SNTG1: variants seen among roughly 807,000 people sequenced by gnomAD.
SNTG1 encodes gamma-1-syntrophin.
Under a neutral mutation model 74.7 loss-of-function variants are expected in SNTG1, and 39 were observed. The ratio of observed to expected loss-of-function variants is 0.52; its 90% CI spans 0.40 to 0.68. SNTG1 has a LOEUF of 0.68. Ranked by LOEUF, SNTG1 falls within the 30% of genes least tolerant of loss-of-function variation. The pLI is 0.00. For synonymous variants in SNTG1, 254 were observed against 217.1 expected (o/e 1.17, Z -1.49); for missense variants, 685 against 609.5 (o/e 1.12, Z -1.30).
In SNTG1 at chr8:50,299,177, A is replaced by G. The variant is rs555644086; in HGVS notation, c.-27-95035A>G. Reference sequence around the variant, plus strand: ...TGGCAGGTGTAGATTTAAGGGTACCATGAGAAAGAGAAATACCAAAAGTTT... The same window carrying G: ...TGGCAGGTGTAGATTTAAGGGTACCGTGAGAAAGAGAAATACCAAAAGTTT... On this transcript the variant is annotated intron_variant, in intron 2 of 18. Transcript: ENST00000642720. Among the ~76,000 whole-genome samples the G allele has an allele frequency of 3.3e-5, 5 of 152,014 alleles. No individual in the cohort carries two copies. The South Asian group carries it at 1.0e-3, about 32-fold the overall frequency.
chr8:50,141,724 C>T (rs1424856180), intron 1 of SNTG1, among the ~76,000 whole-genome samples: 1 of 151,848 alleles, frequency 6.6e-6, no homozygotes, highest in Non-Finnish European at 1.5e-5. Flanking sequence ...AAGTTTAATG[C>T]CTTACAACAT....
intron 1 of SNTG1, among the ~76,000 whole-genome samples, chr8:49,922,828 G>A (rs1237872214): frequency 6.6e-6 from 1 of 151,992 alleles, no homozygotes; most frequent in East Asian, 1.9e-4. Context: ...TGTGAAATGG[G>A]ATAATTTATT....
intron 1 of SNTG1, among the ~76,000 whole-genome samples, chr8:50,047,996 G>A (rs995839916): frequency 2.0e-5 from 3 of 152,002 alleles, no homozygotes; most frequent in Non-Finnish European, 2.9e-5. Context: ...TTAAATGAGA[G>A]GGCATATGGA....
chr8:50,399,905 A>G (rs1381165321), intron 3 of SNTG1, among the ~76,000 whole-genome samples: 3 of 152,222 alleles, frequency 2.0e-5, no homozygotes, highest in Admixed American at 6.5e-5. Context: ...TGCTAATGCC[A>G]TGGATGAAGA....
At chr8:50,089,860 G>A (rs1334513963) in intron 1 of SNTG1, among the ~76,000 whole-genome samples, 3 of 152,024 alleles carry the variant, frequency 2.0e-5, no homozygotes, top group Non-Finnish European at 4.4e-5. Flanking sequence ...GATTCCTCAG[G>A]GATCTAGAAC....
intron 13 of SNTG1, among the ~76,000 whole-genome samples, chr8:50,591,937 A>G (rs1391470692): frequency 6.6e-6 from 1 of 152,146 alleles, no homozygotes; most frequent in Non-Finnish European, 1.5e-5. Context: ...AGTTGTTTTT[A>G]AGGCCCTTAC....
At chr8:50,203,885 T>C (rs1049359372) in intron 2 of SNTG1, among the ~76,000 whole-genome samples, 1 of 152,128 alleles carries the variant, frequency 6.6e-6, no homozygotes, top group Non-Finnish European at 1.5e-5. Flanking sequence ...TAGAAATAAC[T>C]GCAACGTCAA....
chr8:50,509,160 C>A (rs113153473), intron 9 of SNTG1, among the ~76,000 whole-genome samples: 61,564 of 151,982 alleles, frequency 0.41, 16,813 homozygotes, highest in African/African-American at 0.78. Context: ...TCTCCCAGCA[C>A]CATTTATTAA....
intron 1 of SNTG1, among the ~76,000 whole-genome samples, chr8:50,151,834 G>T (rs2082079923): frequency 6.6e-6 from 1 of 152,134 alleles, no homozygotes. Context: ...TTCCAACTAT[G>T]TTGTCAATTT....
intron 1 of SNTG1, among the ~76,000 whole-genome samples, chr8:50,143,733 AT>A (rs2081756352): frequency 6.6e-6 from 1 of 152,150 alleles, no homozygotes; most frequent in African/African-American, 2.4e-5. Context: ...TTTAGAGTGT[AT>A]TTTAGTATAA....
At chr8:50,494,064 C>G (rs2093882187) in intron 8 of SNTG1, among the ~76,000 whole-genome samples, 1 of 151,030 alleles carries the variant, frequency 6.6e-6, no homozygotes, top group South Asian at 2.1e-4. Flanking sequence ...CTCAATTTGA[C>G]CAAACATCCT....
intron 9 of SNTG1, among the ~76,000 whole-genome samples, chr8:50,516,155 G>T (rs928372265): frequency 2.6e-5 from 4 of 152,110 alleles, no homozygotes; most frequent in Non-Finnish European, 4.4e-5. Flanking sequence ...CAGCAAACAG[G>T]GTCTGGAGTG....
rs1454399008 is a variant in SNTG1 at position 49,993,463 on chromosome 8, A to G, written c.-103+81232A>G. 2.6e-5 allele frequency among the ~76,000 whole-genome samples: 4 copies of G among 152,092 alleles called. No homozygotes were observed. The East Asian group carries it at 5.8e-4, about 22-fold the overall frequency. On this transcript the variant is annotated intron_variant, in intron 1 of 18. Coordinates refer to ENST00000642720, the MANE Select transcript of SNTG1 (RefSeq NM_018967.5). ...GTGCAGGTTTGTTACGTAGGTATAC[A>G]TGTGCCATGGTGGTTTGCTGCACCT...
At position 50,666,799 on chromosome 8, in the gene SNTG1, G is replaced by C. The variant is rs887051542; in HGVS notation, c.1038+8136G>C. 2.6e-5 allele frequency among the ~76,000 whole-genome samples: 4 copies of C among 151,708 alleles called. No individual in the cohort carries two copies. The Admixed American group carries it at 2.6e-4, about 10-fold the overall frequency. ...ACAAAAATAAGTAGAATAAACAAAG[G>C]CATAAATAGAAAAAATAACTTTTTA... On this transcript the variant is annotated intron_variant, in intron 15 of 18. Transcript: ENST00000642720.
intron 1 of SNTG1, among the ~76,000 whole-genome samples, chr8:50,140,542 G>A (rs1217255275): frequency 6.6e-6 from 1 of 152,006 alleles, no homozygotes; most frequent in African/African-American, 2.4e-5. Flanking sequence ...GTTAGAAACT[G>A]TGTATGAGAA....
At chr8:50,616,087 C>A (rs190417425) in intron 13 of SNTG1, among the ~76,000 whole-genome samples, 2 of 152,260 alleles carry the variant, frequency 1.3e-5, no homozygotes, top group African/African-American at 4.8e-5. Flanking sequence ...AAGAGCCCTG[C>A]CACATTATTA....
chr8:49,926,263 A>T (rs1265424576), intron 1 of SNTG1, among the ~76,000 whole-genome samples: 2 of 152,122 alleles, frequency 1.3e-5, no homozygotes, highest in East Asian at 3.8e-4. Context: ...ATGTTCTATT[A>T]CGAAAAAATA....
intron 2 of SNTG1, among the ~76,000 whole-genome samples, chr8:50,239,237 C>A (rs546184895): frequency 1.3e-5 from 2 of 152,262 alleles, no homozygotes; most frequent in Admixed American, 1.3e-4. Flanking sequence ...AGGGAATCAA[C>A]CTAGATGCCC....
At chr8:50,310,312 T>G (rs80295231) in intron 2 of SNTG1, among the ~76,000 whole-genome samples, 7,205 of 152,332 alleles carry the variant, frequency 0.047, 216 homozygotes, top group Middle Eastern at 0.099. Context: ...TTTTAATTGC[T>G]AACAAAAATT....
Sources: gnomAD v4.1 joint callset for allele counts (sites outside exome capture counted in the v4.1 genomes callset) on GRCh38, gnomAD v4.1.1 for gene constraint, MANE v1.5 for transcripts, NCBI Gene and HGNC (gene_info 2026-07-23, HGNC 2026-07-21) for gene names.